The following MTOR variants were observed in gnomAD, a reference collection of about 807,000 sequenced individuals.
MTOR encodes the protein serine/threonine-protein kinase mTOR.
Under a neutral mutation model 319.8 loss-of-function variants are expected in MTOR, and 70 were observed. The observed-to-expected ratio is 0.22, with a 90% CI of 0.18 to 0.27. The LOEUF (loss-of-function observed/expected upper bound fraction) is 0.27. Among genes scored for constraint, MTOR ranks in the 10% least tolerant of loss-of-function variants. MTOR has a pLI of 1.00. For missense variants in MTOR, 1,890 were observed against 3,274.4 expected (o/e 0.58, Z 10.32); for synonymous variants, 1,183 against 1,211.4 (o/e 0.98, Z 0.49).
intron 6 of MTOR, among the ~76,000 whole-genome samples, chr1:11,251,290 G>A (rs1330514646): frequency 1.3e-5 from 2 of 152,180 alleles, no homozygotes; most frequent in Non-Finnish European, 2.9e-5. Flanking sequence ...GCACGCTCCT[G>A]CCTCAGGGAC....
rs1557455066 is a variant in MTOR at position 11,231,066 on chromosome 1, A to C, written c.2650-12T>G. The C allele has an allele frequency of 2.5e-6, 4 of 1,614,198 alleles. No individual in the cohort carries two copies. The highest frequency in any genetic ancestry group is 3.4e-6 in the Non-Finnish European group (4 of 1,180,018). On this transcript the variant is annotated splice_polypyrimidine_tract_variant and intron_variant, in intron 17 of 57. Coordinates refer to ENST00000361445, the MANE Select transcript of MTOR (RefSeq NM_004958.4). ...AACACACGGATGGCCTGCGTGGGAA[A>C]GGGGAGGGAAAAAAGAAAACATTCA... is the stretch of plus-strand genomic sequence containing the variant.
chr1:11,226,740 CCT>C (rs1178438514), intron 19 of MTOR, among the ~76,000 whole-genome samples: 2 of 152,028 alleles, frequency 1.3e-5, no homozygotes, highest in South Asian at 2.1e-4. Context: ...CCTATTGCAA[CCT>C]CTGTGTCACC....
intron 19 of MTOR, among the ~76,000 whole-genome samples, chr1:11,220,221 T>G (rs1379751084): frequency 6.6e-6 from 1 of 151,910 alleles, no homozygotes; most frequent in African/African-American, 2.4e-5. Context: ...TATATAATAG[T>G]AAACACTTCA....
At chr1:11,172,166 T>G (rs552390344) in intron 28 of MTOR, among the ~76,000 whole-genome samples, 2 of 150,986 alleles carry the variant, frequency 1.3e-5, no homozygotes, top group East Asian at 1.9e-4. Flanking sequence ...CTGGGCTCAC[T>G]GGGGGACCAG....
At position 11,146,803 on chromosome 1, in the gene MTOR, CACAT is replaced by C. The variant is rs1231622969; in HGVS notation, c.4571-16_4571-13del. On this transcript the variant is annotated splice_polypyrimidine_tract_variant and intron_variant, in intron 31 of 57. Coordinates refer to ENST00000361445, the MANE Select transcript of MTOR (RefSeq NM_004958.4). ...GCTGTCCCACTGACCTATACACACA[CACAT>C]AGACAGAAAGCATCAAGGGGGTTGG... 1.9e-6 allele frequency: 3 copies of C among 1,598,572 alleles called. No homozygotes were observed. The highest frequency in any genetic ancestry group is 1.3e-5 in the African/African-American group (1 of 74,588).
chr1:11,147,417 A>T (rs1020022307), intron 31 of MTOR, among the ~76,000 whole-genome samples: 2 of 152,202 alleles, frequency 1.3e-5, no homozygotes, highest in Admixed American at 6.5e-5. Flanking sequence ...ATCCGGGAAG[A>T]GGTATTCACT....
At chr1:11,244,290 C>A (rs1648510065) in intron 8 of MTOR, among the ~76,000 whole-genome samples, 1 of 66,728 alleles carries the variant, frequency 1.5e-5, no homozygotes, top group African/African-American at 3.9e-5. Flanking sequence ...AAAACTACAT[C>A]TCATTTAAAA....
chr1:11,231,263 CA>C (rs752055999), intron 17 of MTOR, 36 bp downstream of exon 17: 1 of 1,612,760 alleles, frequency 6.2e-7, no homozygotes, highest in Non-Finnish European at 8.5e-7. Context: ...ATCGTCCCAG[CA>C]AAGTCTTTAA....
At chr1:11,228,243 C>T (rs145826305) in intron 19 of MTOR, among the ~76,000 whole-genome samples, 23 of 151,952 alleles carry the variant, frequency 1.5e-4, no homozygotes, top group African/African-American at 4.1e-4. Context: ...AGCTGAAGCA[C>T]GGTGGCTCGA....
rs140583244 is a variant in MTOR at position 11,253,035 on chromosome 1, C to A, written c.840+804G>T. ...CAGTAGGGATGCTAAGGCTATCCTG[C>A]TCTTGGGAGACACAGACCTCTCTGA... On this transcript the variant is annotated intron_variant, in intron 6 of 57. Transcript: ENST00000361445. Among the ~76,000 whole-genome samples, 14 of 152,304 alleles carry A rather than the reference C, an allele frequency of 9.2e-5. No individual in the cohort carries two copies. In the East Asian group the frequency reaches 2.7e-3, roughly 29 times the overall value.
intron 8 of MTOR, among the ~76,000 whole-genome samples, chr1:11,243,986 G>T (rs148349847): frequency 1.9e-3 from 296 of 152,060 alleles, no homozygotes; most frequent in African/African-American, 7.0e-3. Context: ...ATGCACTCCA[G>T]CCTGGGCAAC....
chr1:11,118,883 T>A (rs1198979740), intron 49 of MTOR, among the ~76,000 whole-genome samples: 1 of 151,974 alleles, frequency 6.6e-6, no homozygotes, highest in Non-Finnish European at 1.5e-5. Flanking sequence ...TGCCTTGGCC[T>A]CCCCAAGTGT....
rs992961634 is a variant in MTOR, at chr1:11,130,966, G to A, written c.5365-189C>T. The A allele has an allele frequency of 1.9e-5, 13 of 702,438 alleles. No homozygotes were observed. The African/African-American group carries it at 2.3e-4, about 13-fold the overall frequency. 43.5% of individuals were successfully genotyped at this position (702,438 alleles called of 1,614,324 possible). A position where few individuals can be genotyped will look rare whatever the true frequency, so the allele number is the denominator to read the frequency against. On this transcript the variant is annotated intron_variant, in intron 38 of 57. Coordinates refer to ENST00000361445, the MANE Select transcript of MTOR (RefSeq NM_004958.4). ...CAACATGATCCACTCACTTTGTGGA[G>A]CACTAACTATATAACGTACTATGAG...
Position 11,121,922 on chromosome 1 carries a change from G to T in MTOR, c.6810+57C>A, listed in dbSNP as rs17848564. The T allele has an allele frequency of 1.9e-6, 3 of 1,598,758 alleles. No homozygotes were observed. The South Asian group carries it at 3.4e-5, about 18-fold the overall frequency. On this transcript the variant is annotated intron_variant, in intron 48 of 57. Coordinates refer to ENST00000361445, the MANE Select transcript of MTOR (RefSeq NM_004958.4). The surrounding 1 kb of genome is among the most constrained non-coding windows in gnomAD (Gnocchi z 4.9). ...TACAGAGAGGAATGAGAAAAGCAGC[G>T]CTACGGAGATTCCCTGCCACGGAAG...
intron 30 of MTOR, among the ~76,000 whole-genome samples, chr1:11,154,098 A>AAAAAAAAAC (rs1644241220): frequency 6.9e-6 from 1 of 144,738 alleles, no homozygotes; most frequent in African/African-American, 2.6e-5. Flanking sequence ...AAAAAAAAAA[A>AAAAAAAAAC]AAAAAGCCAC....
intron 32 of MTOR, 111 bp downstream of exon 32, chr1:11,146,565 C>T (rs1238523874): frequency 7.7e-6 from 6 of 778,462 alleles, no homozygotes; most frequent in East Asian, 2.6e-5. Context: ...CTCACAGAGC[C>T]GAGTAAACAT....
Position 11,189,770 on chromosome 1 carries a change from G to A in MTOR, c.4253+9488C>T, listed in dbSNP as rs1645453636. The A allele has an allele frequency of 1.2e-6, 2 of 1,614,060 alleles. No individual in the cohort carries two copies. Among genetic ancestry groups the A allele is most frequent in the African/African-American group, 1.3e-5 (1 of 74,938 alleles). On this transcript the variant is annotated intron_variant, in intron 28 of 57. Transcript: ENST00000361445. ...GTTGCCAACCTTAGCAGCCTGCTGA[G>A]TGAACTGAACAAGAAGCAGGAGAGG...
chr1:11,182,233 A>G (rs77312753), intron 28 of MTOR, among the ~76,000 whole-genome samples: 2 of 151,786 alleles, frequency 1.3e-5, no homozygotes. Flanking sequence ...AAAAAAAAAA[A>G]GTACAAACTG....
In MTOR at chr1:11,194,479, C is replaced by T. The variant is rs772214701; in HGVS notation, c.4253+4779G>A. 41 of 1,613,938 alleles carry T rather than the reference C, an allele frequency of 2.5e-5. No homozygotes were observed. The highest frequency in any genetic ancestry group is 2.2e-4 in the Admixed American group (13 of 59,994). ...CTGACAGGACTGGGAGGGCAACCTG[C>T]GCTACGCTGAGTATAGCCACTTTGT... is the stretch of plus-strand genomic sequence containing the variant. On this transcript the variant is annotated intron_variant, in intron 28 of 57. Transcript: ENST00000361445.
Sources: allele counts gnomAD v4.1 joint callset (sites outside exome capture counted in the v4.1 genomes callset), GRCh38; gene constraint gnomAD v4.1.1; non-coding constraint Gnocchi (gnomAD v3.1); transcripts MANE v1.5; gene names NCBI Gene and HGNC (gene_info 2026-07-23, HGNC 2026-07-21).